SLC2A12: variants seen among roughly 807,000 people sequenced by gnomAD.
The protein encoded by SLC2A12 is solute carrier family 2 member 12, also known as solute carrier family 2, facilitated glucose transporter member 12.
In SLC2A12, 23 loss-of-function variants were observed where a neutral mutation model predicts 41.8. The ratio of observed to expected loss-of-function variants is 0.55; its 90% CI spans 0.40 to 0.78. The LOEUF is 0.78. Ranked by LOEUF, SLC2A12 falls within the 30% of genes least tolerant of loss-of-function variation. The pLI, the probability that SLC2A12 is intolerant of heterozygous loss-of-function variation, is 0.00. For missense variants in SLC2A12, 654 were observed against 745.6 expected, an observed-to-expected ratio of 0.88 and a Z score of 1.43; for synonymous variants, 295 against 285.9, an observed-to-expected ratio of 1.03 and a Z score of -0.32.
chr6:134,039,672 A>G (rs2114499759), intron 1 of SLC2A12, among the ~76,000 whole-genome samples: 1 of 152,206 alleles, frequency 6.6e-6, no homozygotes, highest in South Asian at 2.1e-4. Flanking sequence ...TATTGTTTTA[A>G]TGTATATTCC....
At chr6:133,997,941 A>G (rs1776715672) in intron 4 of SLC2A12, among the ~76,000 whole-genome samples, 1 of 152,176 alleles carries the variant, frequency 6.6e-6, no homozygotes, top group South Asian at 2.1e-4. Context: ...CTCATCTTTC[A>G]TAATTGCCTT....
At chr6:134,037,641 C>T (rs1456168080) in intron 1 of SLC2A12, among the ~76,000 whole-genome samples, 1 of 152,152 alleles carries the variant, frequency 6.6e-6, no homozygotes, top group Non-Finnish European at 1.5e-5. Context: ...TGAGCCACTA[C>T]ACCCGGCCAG....
chr6:134,009,216 T>A (rs558687774), intron 2 of SLC2A12: 2 of 152,324 alleles, frequency 1.3e-5, no homozygotes, highest in Admixed American at 1.3e-4. Context: ...TGCAAGCCTG[T>A]CCTAGATATT....
At chr6:134,048,525 C>T (rs952288101) in intron 1 of SLC2A12, among the ~76,000 whole-genome samples, 3 of 152,088 alleles carry the variant, frequency 2.0e-5, no homozygotes, top group South Asian at 2.1e-4. Context: ...GCCAAGATCG[C>T]GCCATCTTAC....
chr6:134,018,318 CCAT>C (rs1776991640), intron 2 of SLC2A12, among the ~76,000 whole-genome samples: 1 of 152,154 alleles, frequency 6.6e-6, no homozygotes, highest in East Asian at 1.9e-4. Flanking sequence ...ACTCGACAGG[CCAT>C]CAAGTGGATA....
rs546641205 is a variant in SLC2A12, at chr6:133,997,358, C to T, written c.1700+4639G>A. On this transcript the variant is annotated intron_variant, in intron 4 of 4. Coordinates refer to ENST00000275230, the MANE Select transcript of SLC2A12 (RefSeq NM_145176.3). ...TACCAAAAGGACACATGAACCCATACGTTCATTGCATCACTATTCATAATA... is the reference window on the plus strand; with the variant it reads ...TACCAAAAGGACACATGAACCCATATGTTCATTGCATCACTATTCATAATA... 1.8e-3 allele frequency among the ~76,000 whole-genome samples: 278 copies of T among 152,268 alleles called. 2 individuals are homozygous for T. The highest frequency in any genetic ancestry group is 5.8e-3 in the African/African-American group (243 of 41,558).
At chr6:134,024,745 G>A (rs938076377) in intron 2 of SLC2A12, among the ~76,000 whole-genome samples, 1 of 152,154 alleles carries the variant, frequency 6.6e-6, no homozygotes, top group African/African-American at 2.4e-5. Flanking sequence ...CATCATGATA[G>A]ACTAGAAACC....
chr6:134,039,472 A>G (rs972757349), intron 1 of SLC2A12, among the ~76,000 whole-genome samples: 1 of 152,230 alleles, frequency 6.6e-6, no homozygotes, highest in Admixed American at 6.5e-5. Flanking sequence ...TTTCCTATAA[A>G]TAGAAATCTT....
chr6:134,006,816 TAC>T lies in SLC2A12; in HGVS notation c.1561_1562del (p.Val521AsnfsTer2). ...NLLISLTFLTVTDLIGLPWVC... is the reference protein window; with the variant it reads ...NLLISLTFLTXTDLIGLPWVC... ...AGGAAAACAAAGACTTCTTACCAGT[TAC>T]AGTCAAAAATGTCAGCGAGATGAGG... On this transcript the variant is annotated frameshift_variant, in exon 3 of 5. Transcript: ENST00000275230. LOFTEE classifies it high-confidence loss of function. 1.2e-6 allele frequency: 2 copies of T among 1,613,998 alleles called. No individual in the cohort carries two copies. The highest frequency in any genetic ancestry group is 1.1e-5 in the South Asian group (1 of 91,052).
chr6:134,005,207 G>A (rs1465717308), intron 3 of SLC2A12, among the ~76,000 whole-genome samples: 1 of 152,052 alleles, frequency 6.6e-6, no homozygotes, highest in Admixed American at 6.5e-5. Context: ...CCTTTAGATA[G>A]GGCTGCTGAA....
intron 1 of SLC2A12, among the ~76,000 whole-genome samples, chr6:134,037,752 G>A (rs6907633): frequency 0.19 from 29,640 of 152,132 alleles, 7,561 homozygotes; most frequent in African/African-American, 0.59. Context: ...TAGACTGGGA[G>A]CATGTTGGGA....
chr6:134,008,670 T>C (rs1464487198), intron 2 of SLC2A12, among the ~76,000 whole-genome samples: 77 of 152,246 alleles, frequency 5.1e-4, no homozygotes, highest in Admixed American at 5.0e-3. Flanking sequence ...TAGACTGATA[T>C]CTGCATAATT....
chr6:134,006,193 C>CAAAAAAAAA (rs571711008), intron 3 of SLC2A12, among the ~76,000 whole-genome samples: 1 of 121,606 alleles, frequency 8.2e-6, no homozygotes, highest in Non-Finnish European at 1.7e-5. Flanking sequence ...AAAAAAAAAA[C>CAAAAAAAAA]AAAAAAAAAA....
At position 134,042,589 on chromosome 6, in the gene SLC2A12, G is replaced by A. The variant is rs182613906; in HGVS notation, c.103+9789C>T. ...GAAGAAAAGGTCAGGACAAGTTGTC[G>A]AGTTGTGGGGAATGGGGAAAGGGAG... On this transcript the variant is annotated intron_variant, in intron 1 of 4. Coordinates refer to ENST00000275230, the MANE Select transcript of SLC2A12 (RefSeq NM_145176.3). 9.9e-5 allele frequency among the ~76,000 whole-genome samples: 15 copies of A among 152,030 alleles called. No homozygotes were observed. In the East Asian group the frequency reaches 1.5e-3, roughly 16 times the overall value.
Position 134,029,267 on chromosome 6 carries a change from A to G in SLC2A12, c.558T>C (p.Asn186=), listed in dbSNP as rs780807001. The G allele has an allele frequency of 3.7e-6, 6 of 1,614,116 alleles. No homozygotes were observed. In the East Asian group the frequency reaches 1.3e-4, roughly 36 times the overall value. The part of the protein sequence containing the change: ...VIGILSAYIS[N]YAFANVFHGW... ...CATGGAAAACATTGGCAAATGCGTA[A>G]TTTGAAATATAGGCAGAAAGAATGC... The change falls in exon 2 of 5, where the codon AAT becomes AAC. Residue 186 remains asparagine (N), a synonymous_variant. Transcript: ENST00000275230.
chr6:134,031,938 T>C (rs961491487), intron 1 of SLC2A12, among the ~76,000 whole-genome samples: 2 of 152,138 alleles, frequency 1.3e-5, no homozygotes, highest in African/African-American at 4.8e-5. Context: ...GCAATGCCAA[T>C]ATTTAGAAGA....
In SLC2A12 at chr6:134,014,635, A is replaced by G. The variant is rs573879440; in HGVS notation, c.1445-7701T>C. Among the ~76,000 whole-genome samples the G allele has an allele frequency of 3.9e-5, 6 of 152,350 alleles. No individual in the cohort carries two copies. In the East Asian group the frequency reaches 9.6e-4, roughly 24 times the overall value. On this transcript the variant is annotated intron_variant, in intron 2 of 4. Transcript: ENST00000275230. Reference sequence around the variant, plus strand: ...CTTGAAAAATCCTTAACACTGAGTCATGGAAAACAGTAAAGTAACACGTGA... The same window carrying G: ...CTTGAAAAATCCTTAACACTGAGTCGTGGAAAACAGTAAAGTAACACGTGA...
At chr6:134,047,140 T>C (rs779478962) in intron 1 of SLC2A12, among the ~76,000 whole-genome samples, 17 of 152,204 alleles carry the variant, frequency 1.1e-4, no homozygotes, top group Non-Finnish European at 2.4e-4. Flanking sequence ...CTCATCACCA[T>C]AACTTGGTAT....
At chr6:134,031,476 G>A (rs1261906841) in intron 1 of SLC2A12, among the ~76,000 whole-genome samples, 2 of 152,126 alleles carry the variant, frequency 1.3e-5, no homozygotes, top group Non-Finnish European at 2.9e-5. Flanking sequence ...GATAAAAAAT[G>A]GGTCAGAACC....
Sources: allele counts gnomAD v4.1 joint callset (sites outside exome capture counted in the v4.1 genomes callset), GRCh38; gene constraint gnomAD v4.1.1; transcripts MANE v1.5; gene names NCBI Gene and HGNC (gene_info 2026-07-23, HGNC 2026-07-21).